The following SYNDIG1L variants were observed in gnomAD, a reference collection of about 807,000 sequenced individuals.
SYNDIG1L encodes synapse differentiation-inducing gene protein 1-like.
A neutral mutation model predicts 20.1 loss-of-function variants in SYNDIG1L; 13 were observed. The observed-to-expected ratio is 0.65, with a 90% CI of 0.42 to 1.03. The LOEUF (loss-of-function observed/expected upper bound fraction) is 1.03, where lower values mean the gene tolerates loss of function less well. Among genes scored for constraint, SYNDIG1L ranks in the 50% least tolerant of loss-of-function variants. SYNDIG1L has a pLI of 0.00. For synonymous variants in SYNDIG1L, 128 were observed against 129.3 expected (o/e 0.99, Z 0.07); for missense variants, 294 against 305.1 (o/e 0.96, Z 0.27).
chr14:74,455,699 G>T, the SYNDIG1L span, among the ~76,000 whole-genome samples: 2 of 152,198 alleles, frequency 1.3e-5, no homozygotes, highest in African/African-American at 4.8e-5. Flanking sequence ...GATTACAGGC[G>T]TGAGCCGCAG....
chr14:74,432,346 C>T, the SYNDIG1L span, among the ~76,000 whole-genome samples: 3 of 152,300 alleles, frequency 2.0e-5, no homozygotes, highest in East Asian at 5.8e-4. Context: ...TATTTGGTTT[C>T]ACTGAAGCCT....
chr14:74,437,291 C>T, the SYNDIG1L span, among the ~76,000 whole-genome samples: 1 of 152,144 alleles, frequency 6.6e-6, no homozygotes, highest in Non-Finnish European at 1.5e-5. Flanking sequence ...AAGGAAACCA[C>T]CTCACTGTAG....
At chr14:74,409,158 A>G (rs938849226) in intron 2 of SYNDIG1L, among the ~76,000 whole-genome samples, 170 bp downstream of exon 2, 1 of 151,820 alleles carries the variant, frequency 6.6e-6, no homozygotes, top group Non-Finnish European at 1.5e-5. Flanking sequence ...AGCTCACTGC[A>G]GCCTCAACCT....
At chr14:74,432,647 G>T in the SYNDIG1L span, among the ~76,000 whole-genome samples, 2 of 152,170 alleles carry the variant, frequency 1.3e-5, no homozygotes, top group Non-Finnish European at 2.9e-5. Flanking sequence ...CTTGAGGTCA[G>T]GAGTTCGAGA....
chr14:74,464,670 G>A, the SYNDIG1L span, among the ~76,000 whole-genome samples: 1 of 152,060 alleles, frequency 6.6e-6, no homozygotes, highest in Non-Finnish European at 1.5e-5. Context: ...TCCCTGCTCA[G>A]CCACTTATTA....
rs562097725 is a variant in SYNDIG1L at position 74,413,164 on chromosome 14, T to C, written c.-57-3363A>G. On this transcript the variant is annotated intron_variant, in intron 1 of 3. Coordinates refer to ENST00000331628, the MANE Select transcript of SYNDIG1L (RefSeq NM_001105579.2). ...CTTCCCCCTATTCCCCCATCACTGC[T>C]CCTGTCAGACTTTCTTGGTCAAAGT... Among the ~76,000 whole-genome samples the C allele has an allele frequency of 1.1e-4, 16 of 152,286 alleles. No homozygotes were observed. In the East Asian group the frequency reaches 3.1e-3, roughly 29 times the overall value.
At chr14:74,440,094 C>A in the SYNDIG1L span, among the ~76,000 whole-genome samples, 1 of 151,842 alleles carries the variant, frequency 6.6e-6, no homozygotes, top group South Asian at 2.1e-4. Flanking sequence ...AATAATGCAT[C>A]TCGGGCTGGG....
At chr14:74,469,969 A>AT in the SYNDIG1L span, among the ~76,000 whole-genome samples, 9 of 152,190 alleles carry the variant, frequency 5.9e-5, no homozygotes, top group Admixed American at 3.3e-4. Context: ...GGGCTGCCAG[A>AT]TTGCAATTTC....
rs571951625 is a variant in SYNDIG1L, at chr14:74,409,253, T to C, written c.417+75A>G. 2.3e-4 allele frequency: 134 copies of C among 588,478 alleles called. 3 individuals carry two copies. In the South Asian group the frequency reaches 5.1e-3, roughly 23 times the overall value. The allele number at this position is 588,478 out of a possible 1,614,324, so 36.5% of individuals were successfully genotyped here. On this transcript the variant is annotated intron_variant, in intron 2 of 3. Transcript: ENST00000331628. Reference sequence around the variant, plus strand: ...GCCACCACGCCAGGCTAATTTTCAATTTTTTTTTTTTGTAGAGTCGGGGTC... The same window carrying C: ...GCCACCACGCCAGGCTAATTTTCAACTTTTTTTTTTTGTAGAGTCGGGGTC...
At chr14:74,467,955 G>C in the SYNDIG1L span, among the ~76,000 whole-genome samples, 1 of 152,020 alleles carries the variant, frequency 6.6e-6, no homozygotes, top group South Asian at 2.1e-4. Flanking sequence ...CCAAGGTCCG[G>C]GGGGATCTAG....
At chr14:74,447,517 G>A in the SYNDIG1L span, among the ~76,000 whole-genome samples, 3 of 151,596 alleles carry the variant, frequency 2.0e-5, no homozygotes, top group African/African-American at 7.3e-5. Flanking sequence ...AACCTGGGAG[G>A]TGGAGGTTGC....
the SYNDIG1L span, among the ~76,000 whole-genome samples, chr14:74,438,152 C>T: frequency 6.6e-6 from 1 of 152,164 alleles, no homozygotes; most frequent in Non-Finnish European, 1.5e-5. Flanking sequence ...CATAACCAAG[C>T]ACATCAATAT....
chr14:74,457,635 G>A, the SYNDIG1L span, among the ~76,000 whole-genome samples: 1 of 151,620 alleles, frequency 6.6e-6, no homozygotes, highest in African/African-American at 2.4e-5. Flanking sequence ...GTTCCTGGAC[G>A]CAGGATTTCT....
the SYNDIG1L span, chr14:74,476,291 G>T: frequency 3.4e-5 from 21 of 619,818 alleles, no homozygotes; most frequent in Non-Finnish European, 4.9e-5. Flanking sequence ...CAGCAGCTCT[G>T]CCATGTTCAA....
the SYNDIG1L span, among the ~76,000 whole-genome samples, chr14:74,470,811 T>C: frequency 0.66 from 100,678 of 152,090 alleles, 33,719 homozygotes; most frequent in African/African-American, 0.73. Context: ...TCCTCAGACG[T>C]CAGCTTTTCC....
rs61738680 is a variant in SYNDIG1L at position 74,409,597 on chromosome 14, C to T, written c.148G>A (p.Gly50Arg). The change falls in exon 2 of 4, where the codon GGA (glycine) becomes AGA (arginine). Residue 50 changes from glycine to arginine, a missense_variant. Transcript: ENST00000331628. Reference protein sequence around the residue: ...SYLLGGAGPAGAHQLLDPGSL... With the variant: ...SYLLGGAGPARAHQLLDPGSL... Reference sequence around the variant, plus strand: ...CCTGGGTCCAGGAGCTGGTGGGCTCCGGCAGGCCCAGCGCCACCTAGGAGG... The same window carrying T: ...CCTGGGTCCAGGAGCTGGTGGGCTCTGGCAGGCCCAGCGCCACCTAGGAGG... The T allele has an allele frequency of 1.5e-3, 2,304 of 1,508,292 alleles. 36 individuals are homozygous for T. In the African/African-American group the frequency reaches 0.028, roughly 18 times the overall value. 93.4% of individuals were successfully genotyped at this position (1,508,292 alleles called of 1,614,324 possible). A position where few individuals can be genotyped will look rare whatever the true frequency, so the allele number is the denominator to read the frequency against.
At chr14:74,469,750 T>G in the SYNDIG1L span, among the ~76,000 whole-genome samples, 1 of 152,242 alleles carries the variant, frequency 6.6e-6, no homozygotes, top group Non-Finnish European at 1.5e-5. Context: ...TTTGTGGCTT[T>G]AAATTCAGAG....
At chr14:74,429,764 G>T (rs745608429), upstream of SYNDIG1L, among the ~76,000 whole-genome samples, 1 of 152,218 alleles carries the variant, frequency 6.6e-6, no homozygotes, top group Non-Finnish European at 1.5e-5. Flanking sequence ...TCCAAGGAAG[G>T]GTGCATATGT....
chr14:74,433,543 C>T, the SYNDIG1L span, among the ~76,000 whole-genome samples: 1 of 152,102 alleles, frequency 6.6e-6, no homozygotes, highest in African/African-American at 2.4e-5. Context: ...ACCCACCACA[C>T]CTGGCTAATT....
Sources: allele counts gnomAD v4.1 joint callset (sites outside exome capture counted in the v4.1 genomes callset), GRCh38; gene constraint gnomAD v4.1.1; transcripts MANE v1.5; gene names NCBI Gene and HGNC (gene_info 2026-07-23, HGNC 2026-07-21).